The following DNAH12 variants were observed in gnomAD, a reference collection of about 807,000 sequenced individuals.
DNAH12 encodes the protein axonemal beta dynein heavy chain 12.
Under a neutral mutation model 371.5 loss-of-function variants are expected in DNAH12, and 285 were observed. That is an observed-to-expected ratio of 0.77 (90% CI 0.70 to 0.85). The LOEUF (loss-of-function observed/expected upper bound fraction) is 0.85. Among genes scored for constraint, DNAH12 ranks in the 40% least tolerant of loss-of-function variants. The probability of loss-of-function intolerance (pLI) is 0.00; values close to 1 mark genes in which losing one functional copy is unlikely to be tolerated. For missense variants in DNAH12, 3,611 were observed against 3,689.4 expected, an observed-to-expected ratio of 0.98 and a Z score of 0.55; for synonymous variants, 1,200 against 1,213.0, an observed-to-expected ratio of 0.99 and a Z score of 0.22.
intron 9 of DNAH12, among the ~76,000 whole-genome samples, 173 bp from the exon 10 acceptor site, chr3:57,502,652 C>T (rs765736786): frequency 5.9e-5 from 9 of 152,034 alleles, no homozygotes; most frequent in Non-Finnish European, 1.3e-4. Flanking sequence ...CAGGTTCAAG[C>T]GATTCTCCTG....
intron 60 of DNAH12, among the ~76,000 whole-genome samples, chr3:57,339,380 TA>T (rs59005430): frequency 0.3 from 34,305 of 113,224 alleles, 4,591 homozygotes; most frequent in South Asian, 0.46. Flanking sequence ...CAATAAATAC[TA>T]AAAAAAAAAA....
intron 65 of DNAH12, among the ~76,000 whole-genome samples, chr3:57,320,606 T>A (rs1010231763): frequency 5.8e-5 from 8 of 136,994 alleles, no homozygotes; most frequent in African/African-American, 2.3e-4. Flanking sequence ...AATTTCAATA[T>A]GTCTACAAAC....
Position 57,433,723 on chromosome 3 carries a change from C to T in DNAH12, c.4761G>A (p.Lys1587=). 1 of 1,551,382 alleles carries T rather than the reference C, an allele frequency of 6.4e-7. No homozygotes were observed. Among genetic ancestry groups the T allele is most frequent in the Non-Finnish European group, 8.7e-7 (1 of 1,146,918 alleles). Residue 1587 remains lysine, a synonymous_variant, in exon 31 of 74, where the codon AAG becomes AAA. Transcript: ENST00000495027. ...TGGGGTTTACAGTTCTATAAATGAC[C>T]TTTTCTTCCTCTCCATAGCCATGTT... is the stretch of plus-strand genomic sequence containing the variant. The part of the protein sequence containing the change: ...MNEHGYGEEE[K]VIYRTVNPKS...
chr3:57,350,656 T>A (rs1347585410), intron 60 of DNAH12, among the ~76,000 whole-genome samples: 1 of 152,166 alleles, frequency 6.6e-6, no homozygotes, highest in Non-Finnish European at 1.5e-5. Flanking sequence ...AATCAGATTA[T>A]ATTAAAATTA....
chr3:57,423,446 C>T (rs1407843375), intron 35 of DNAH12, among the ~76,000 whole-genome samples: 2 of 151,898 alleles, frequency 1.3e-5, no homozygotes, highest in Non-Finnish European at 1.5e-5. Context: ...TCTTCTAAAG[C>T]GGAAGGATAT....
At chr3:57,462,324 T>G (rs2066077979) in intron 18 of DNAH12, among the ~76,000 whole-genome samples, 1 of 152,180 alleles carries the variant, frequency 6.6e-6, no homozygotes, top group Non-Finnish European at 1.5e-5. Flanking sequence ...TGATCTCAGC[T>G]CACTGCAACC....
intron 43 of DNAH12, among the ~76,000 whole-genome samples, chr3:57,401,882 T>C (rs1413186840): frequency 6.6e-6 from 1 of 152,144 alleles, no homozygotes. Context: ...TGCCAATAAA[T>C]TGGATAACCT....
At chr3:57,510,158 T>G (rs1376555485) in intron 5 of DNAH12, among the ~76,000 whole-genome samples, 2 of 151,864 alleles carry the variant, frequency 1.3e-5, no homozygotes, top group African/African-American at 4.8e-5. Flanking sequence ...CTAATAAATC[T>G]CCCAAAACAT....
At chr3:57,298,044 T>C (rs2061269834) in intron 70 of DNAH12, among the ~76,000 whole-genome samples, 1 of 152,234 alleles carries the variant, frequency 6.6e-6, no homozygotes, top group Non-Finnish European at 1.5e-5. Flanking sequence ...CATTCTAATC[T>C]GGACTGGACT....
chr3:57,342,631 C>T (rs2062430704), intron 60 of DNAH12, among the ~76,000 whole-genome samples: 1 of 115,468 alleles, frequency 8.7e-6, no homozygotes, highest in Non-Finnish European at 1.6e-5. Flanking sequence ...GCACTCCAGC[C>T]TGGGCGACAG....
intron 4 of DNAH12, among the ~76,000 whole-genome samples, chr3:57,519,268 A>T (rs1390713089): frequency 6.6e-6 from 1 of 152,170 alleles, no homozygotes; most frequent in Non-Finnish European, 1.5e-5. Flanking sequence ...ATTTGTTACC[A>T]TAACATTCTT....
chr3:57,510,794 A>G lies in DNAH12; in HGVS notation c.465T>C (p.Tyr155=). ...SSDFENSMKR[Y]LVQSVLVKPP... ...TGTGTGTTAGATGCTACTTACCCAA[A>G]TATCTCTTCATGCTGTTTTCAAAGT... Residue 155 remains tyrosine, a synonymous_variant, in exon 5 of 74, where the codon TAT becomes TAC. Coordinates refer to ENST00000495027, the MANE Select transcript of DNAH12 (RefSeq NM_001366028.2). 4 of 1,613,772 alleles carry G rather than the reference A, an allele frequency of 2.5e-6. No individual in the cohort carries two copies. Among genetic ancestry groups the G allele is most frequent in the East Asian group, 4.5e-5 (2 of 44,870 alleles).
intron 33 of DNAH12, 142 bp downstream of exon 33, chr3:57,429,549 A>C (rs2064890995): frequency 2.8e-6 from 2 of 718,962 alleles, no homozygotes; most frequent in Non-Finnish European, 4.5e-6. Flanking sequence ...CATCCTCCCT[A>C]AACAAGCATA....
intron 2 of DNAH12, chr3:57,530,965 CATTGCTCGACATCTGTACT>C (rs1190403379): frequency 6.4e-6 from 1 of 155,092 alleles, no homozygotes; most frequent in East Asian, 1.9e-4. Context: ...CACGAGAGCC[CATTGCTCGACATCTGTACT>C]ATGTCTTGAA....
At chr3:57,510,250 T>TA (rs995532061) in intron 5 of DNAH12, among the ~76,000 whole-genome samples, 5 of 151,706 alleles carry the variant, frequency 3.3e-5, no homozygotes, top group Non-Finnish European at 5.9e-5. Context: ...AGTTAGCTAA[T>TA]AAAAAAAATA....
chr3:57,407,909 A>G (rs2064087578), intron 40 of DNAH12, among the ~76,000 whole-genome samples: 2 of 152,210 alleles, frequency 1.3e-5, no homozygotes, highest in South Asian at 2.1e-4. Context: ...GGGAAGATAG[A>G]GAGAAAAAAC....
chr3:57,552,675 T>C, the DNAH12 span, among the ~76,000 whole-genome samples: 1 of 152,148 alleles, frequency 6.6e-6, no homozygotes, highest in Non-Finnish European at 1.5e-5. Context: ...TTTGGGAGGC[T>C]GAGGCAGGTG....
At chr3:57,447,245 T>C (rs1374825892) in intron 25 of DNAH12, among the ~76,000 whole-genome samples, 2 of 152,258 alleles carry the variant, frequency 1.3e-5, no homozygotes. Flanking sequence ...TACCTTGTAT[T>C]ATACTTAATT....
At position 57,421,683 on chromosome 3, in the gene DNAH12, A is replaced by G. The variant is rs1559640862; in HGVS notation, c.5397T>C (p.Ile1799=). ...TATCACAACTTCCTCCAATCGACCA[A>G]ATCAAAGAGAATATAAAGCAAGCCT... is the stretch of plus-strand genomic sequence containing the variant. The part of the protein sequence containing the change: ...WIMACFIFSL[I]WSIGGSCDTD... Residue 1799 remains isoleucine (I), a synonymous_variant, in exon 36 of 74, where the codon ATT becomes ATC. Coordinates refer to ENST00000495027, the MANE Select transcript of DNAH12 (RefSeq NM_001366028.2). The G allele has an allele frequency of 1.3e-6, 2 of 1,551,578 alleles. No individual in the cohort carries two copies. Among genetic ancestry groups the G allele is most frequent in the East Asian group, 2.4e-5 (1 of 40,908 alleles).
Sources: gnomAD v4.1 joint callset for allele counts (sites outside exome capture counted in the v4.1 genomes callset) on GRCh38, gnomAD v4.1.1 for gene constraint, MANE v1.5 for transcripts, NCBI Gene and HGNC (gene_info 2026-07-23, HGNC 2026-07-21) for gene names.